GRIK1: variants seen among roughly 807,000 people sequenced by gnomAD.
GRIK1 encodes glutamate ionotropic receptor kainate type subunit 1.
Under a neutral mutation model 105.7 loss-of-function variants are expected in GRIK1, and 69 were observed. The observed-to-expected ratio is 0.65, with a 90% CI of 0.54 to 0.80. The LOEUF is 0.80. Among genes scored for constraint, GRIK1 ranks in the 30% least tolerant of loss-of-function variants. GRIK1 has a pLI of 0.00. For synonymous variants in GRIK1, 438 were observed against 431.3 expected, an observed-to-expected ratio of 1.02 and a Z score of -0.19; for missense variants, 1,109 against 1,167.3, an observed-to-expected ratio of 0.95 and a Z score of 0.73.
intron 1 of GRIK1, among the ~76,000 whole-genome samples, chr21:29,700,521 A>G (rs1187712046): frequency 5.3e-5 from 8 of 152,196 alleles, no homozygotes; most frequent in Non-Finnish European, 1.2e-4. Flanking sequence ...TTATATGGAG[A>G]GAATCAGAAT....
At chr21:29,748,501 T>C (rs1377529099) in intron 1 of GRIK1, among the ~76,000 whole-genome samples, 1 of 152,248 alleles carries the variant, frequency 6.6e-6, no homozygotes, top group Non-Finnish European at 1.5e-5. Context: ...GCTCCTTTTA[T>C]TTCCACAAAT....
At chr21:29,824,523 A>G (rs1342220281) in intron 1 of GRIK1, among the ~76,000 whole-genome samples, 1 of 151,988 alleles carries the variant, frequency 6.6e-6, no homozygotes, top group African/African-American at 2.4e-5. Flanking sequence ...TGCTTTTTAG[A>G]CAGAATATTC....
chr21:29,643,568 C>T (rs2062558095), intron 6 of GRIK1, among the ~76,000 whole-genome samples: 1 of 152,204 alleles, frequency 6.6e-6, no homozygotes, highest in African/African-American at 2.4e-5. Flanking sequence ...TCAGAACATG[C>T]CTCCTCTTGC....
At chr21:29,591,290 C>A in intron 9 of GRIK1, 65 bp from the exon 10 acceptor site, 1 of 924,576 alleles carries the variant, frequency 1.1e-6, no homozygotes, top group Admixed American at 1.7e-5. Flanking sequence ...CAAAGAGAGG[C>A]CCCTTCTCTA....
At chr21:29,658,686 T>C (rs1358142981) in intron 4 of GRIK1, among the ~76,000 whole-genome samples, 1 of 152,136 alleles carries the variant, frequency 6.6e-6, no homozygotes, top group Non-Finnish European at 1.5e-5. Context: ...ATAGGCAGGG[T>C]GTGGAATATC....
chr21:29,599,027 A>G (rs1749078161), intron 7 of GRIK1, 90 bp from the exon 8 acceptor site: 2 of 643,618 alleles, frequency 3.1e-6, no homozygotes, highest in Non-Finnish European at 5.5e-6. Context: ...AATTCATCAC[A>G]GTATCCAATT....
chr21:29,901,939 C>T, intron 1 of GRIK1, among the ~76,000 whole-genome samples: 1 of 152,146 alleles, frequency 6.6e-6, no homozygotes, highest in East Asian at 1.9e-4. Flanking sequence ...CATCAAAAAG[C>T]TTATCCACCA....
Position 29,580,104 on chromosome 21 carries a change from TATATATAC to T in GRIK1, c.1912+1313_1912+1320del, listed in dbSNP as rs201595626. On this transcript the variant is annotated intron_variant, in intron 13 of 17. Transcript: ENST00000327783. ...ATATGTGTGTGTATATATATGTGTG[TATATATAC>T]ATATATACACATATACACACATATA... Among the ~76,000 whole-genome samples the T allele has an allele frequency of 9.0e-3, 1,306 of 144,360 alleles. 22 individuals are homozygous for T. Among genetic ancestry groups the T allele is most frequent in the African/African-American group, 0.032 (1,221 of 37,782 alleles). 94.7% of individuals were successfully genotyped at this position (144,360 alleles called of 152,430 possible). A position where few individuals can be genotyped will look rare whatever the true frequency, so the allele number is the denominator to read the frequency against.
intron 3 of GRIK1, among the ~76,000 whole-genome samples, chr21:29,674,949 T>C (rs1284013255): frequency 6.6e-6 from 1 of 152,160 alleles, no homozygotes; most frequent in Non-Finnish European, 1.5e-5. Context: ...GTACTTATAA[T>C]CACCTGCTTG....
chr21:29,913,804 C>G (rs1423185498), intron 1 of GRIK1, among the ~76,000 whole-genome samples: 2 of 151,594 alleles, frequency 1.3e-5, no homozygotes, highest in Non-Finnish European at 2.9e-5. Flanking sequence ...TTTTTCATAT[C>G]ATTTTATTCT....
At chr21:29,707,446 C>CCCTCCCTCCCTTCCTTCCTTCCTT (rs1555875908) in intron 1 of GRIK1, among the ~76,000 whole-genome samples, 5 of 18,654 alleles carry the variant, frequency 2.7e-4, no homozygotes, top group Non-Finnish European at 3.9e-4. Flanking sequence ...CTCCCTCCCT[C>CCCTCCCTCCCTTCCTTCCTTCCTT]CCTCCCTCCC....
At chr21:29,772,124 C>T (rs756795823) in intron 1 of GRIK1, among the ~76,000 whole-genome samples, 5 of 152,218 alleles carry the variant, frequency 3.3e-5, no homozygotes, top group Non-Finnish European at 7.3e-5. Flanking sequence ...GTTCTTTTTA[C>T]AGGCACATTT....
intron 4 of GRIK1, among the ~76,000 whole-genome samples, chr21:29,663,356 T>G (rs2063003012): frequency 6.6e-6 from 1 of 152,206 alleles, no homozygotes; most frequent in African/African-American, 2.4e-5. Context: ...CAGAGTTTGT[T>G]AAGTTTCCTG....
Position 29,693,882 on chromosome 21 carries a change from G to T in GRIK1, c.286+14C>A. 1.3e-6 allele frequency: 2 copies of T among 1,597,550 alleles called. No homozygotes were observed. Among genetic ancestry groups the T allele is most frequent in the Non-Finnish European group, 1.7e-6 (2 of 1,166,886 alleles). ...ATCACCCAAAGAAGCTTTTAAAAGT[G>T]GGAAAATAGTTACCTCTCCGCGAGG... On this transcript the variant is annotated intron_variant, in intron 2 of 17. Coordinates refer to ENST00000327783, the MANE Select transcript of GRIK1 (RefSeq NM_001330994.2).
At chr21:29,551,276 C>T (rs2090130136) in intron 16 of GRIK1, among the ~76,000 whole-genome samples, 4 of 152,170 alleles carry the variant, frequency 2.6e-5, no homozygotes, top group Admixed American at 2.0e-4. Flanking sequence ...ATTTGAGAAA[C>T]ATTTGCCAAT....
intron 1 of GRIK1, among the ~76,000 whole-genome samples, chr21:29,843,648 G>A (rs2068039043): frequency 6.6e-6 from 1 of 152,086 alleles, no homozygotes; most frequent in Admixed American, 6.5e-5. Flanking sequence ...AGCTTCAGCC[G>A]ACACTGGGGA....
At chr21:29,574,813 G>A (rs924347684) in intron 14 of GRIK1, among the ~76,000 whole-genome samples, 13 of 148,464 alleles carry the variant, frequency 8.8e-5, no homozygotes, top group African/African-American at 2.5e-4. Flanking sequence ...TCAGCCTCCC[G>A]AGTAGCTGGG....
chr21:29,836,004 G>C (rs2067793207), intron 1 of GRIK1, among the ~76,000 whole-genome samples: 1 of 128,646 alleles, frequency 7.8e-6, no homozygotes, highest in Non-Finnish European at 1.8e-5. Flanking sequence ...AGAAAGCTGT[G>C]GGAGAAACTG....
chr21:29,742,572 T>G (rs1332524313), intron 1 of GRIK1, among the ~76,000 whole-genome samples: 2 of 152,238 alleles, frequency 1.3e-5, no homozygotes, highest in African/African-American at 4.8e-5. Flanking sequence ...ACATATGGAC[T>G]AAAAGTGGTT....
Sources: allele counts gnomAD v4.1 joint callset (sites outside exome capture counted in the v4.1 genomes callset), GRCh38; gene constraint gnomAD v4.1.1; transcripts MANE v1.5; gene names NCBI Gene and HGNC (gene_info 2026-07-23, HGNC 2026-07-21).